ENPP6: variants seen among roughly 807,000 people sequenced by gnomAD.
ENPP6 encodes glycerophosphocholine cholinephosphodiesterase ENPP6.
ENPP6 carries 32 observed loss-of-function variants against 42.0 expected under a neutral mutation model. That is an observed-to-expected ratio of 0.76 (90% CI 0.58 to 1.02). The LOEUF is 1.02. Among genes scored for constraint, ENPP6 ranks in the 50% least tolerant of loss-of-function variants. The pLI is 0.00. For missense variants in ENPP6, 552 were observed against 566.8 expected (o/e 0.97, Z 0.27); for synonymous variants, 213 against 216.0 (o/e 0.99, Z 0.12).
chr4:184,105,526 C>T (rs1052421454), intron 6 of ENPP6, among the ~76,000 whole-genome samples: 7 of 152,102 alleles, frequency 4.6e-5, no homozygotes, highest in African/African-American at 1.7e-4. Context: ...GTTAGTTGCT[C>T]AGAGATTTGT....
At chr4:184,144,457 C>T (rs888070157) in intron 2 of ENPP6, among the ~76,000 whole-genome samples, 9 of 152,218 alleles carry the variant, frequency 5.9e-5, no homozygotes, top group African/African-American at 2.2e-4. Context: ...ACTCACTTTC[C>T]TCTGCGTGCT....
rs926953865 is a variant in ENPP6 at position 184,089,191 on chromosome 4, C to T, written c.*1986G>A. On this transcript the variant is annotated 3_prime_UTR_variant, in exon 8 of 8. Coordinates refer to ENST00000296741, the MANE Select transcript of ENPP6 (RefSeq NM_153343.4). The stretch of plus-strand genomic sequence containing the variant: ...AGAGTTGCCTTCTTTCCAATTGATC[C>T]GATGGTTTACTGGCGCTTTTAAAAC... 3 of 152,134 alleles carry T rather than the reference C, an allele frequency of 2.0e-5. No individual in the cohort carries two copies. Among genetic ancestry groups the T allele is most frequent in the East Asian group, 1.9e-4 (1 of 5,192 alleles). The allele number at this position is 152,134 out of a possible 1,614,324, so 9.4% of individuals were successfully genotyped here.
At chr4:184,191,480 T>A (rs1031181150) in intron 1 of ENPP6, among the ~76,000 whole-genome samples, 34 of 152,176 alleles carry the variant, frequency 2.2e-4, no homozygotes, top group Non-Finnish European at 1.5e-4. Context: ...GGCCATCCAT[T>A]GTCTTCTCAG....
intron 2 of ENPP6, among the ~76,000 whole-genome samples, chr4:184,134,418 C>T (rs113821012): frequency 0.022 from 3,372 of 152,216 alleles, 143 homozygotes; most frequent in African/African-American, 0.077. Flanking sequence ...AATTTTAAAA[C>T]TGATACAGAA....
chr4:184,187,663 G>T (rs766109719), intron 1 of ENPP6, among the ~76,000 whole-genome samples: 1 of 152,096 alleles, frequency 6.6e-6, no homozygotes, highest in African/African-American at 2.4e-5. Context: ...GGTCATTCTT[G>T]GTGCCTCGTC....
chr4:184,117,772 G>C lies in ENPP6; in HGVS notation c.662C>G (p.Thr221Ser), dbSNP rs200918603. Residue 221 changes from threonine to serine, a missense_variant, in exon 4 of 8, where the codon ACC becomes AGC. By Grantham distance (58) the Thr-to-Ser change is moderately conservative (BLOSUM62 1). Around this residue, in one of 2 missense-constraint regions of ENPP6, gnomAD observed 545 missense variants for 546.3 expected, o/e 1.00. Transcript: ENST00000296741. The part of the protein sequence containing the change: ...KAVDTVLKYM[T>S]KWIQERGLQD... ...GCTTCAGGTCACCTGGATCCACTTG[G>C]TCATGTACTTCAGGACAGTGTCTAC... 1 of 1,614,052 alleles carries C rather than the reference G, an allele frequency of 6.2e-7. No homozygotes were observed. The highest frequency in any genetic ancestry group is 1.3e-5 in the African/African-American group (1 of 74,938).
chr4:184,105,813 T>C (rs562434808), intron 6 of ENPP6, among the ~76,000 whole-genome samples: 1 of 152,324 alleles, frequency 6.6e-6, no homozygotes, highest in Non-Finnish European at 1.5e-5. Context: ...AAGATTGTTG[T>C]TCACAGCAAC....
chr4:184,101,863 C>A (rs1736009270), intron 6 of ENPP6, among the ~76,000 whole-genome samples: 1 of 152,210 alleles, frequency 6.6e-6, no homozygotes, highest in African/African-American at 2.4e-5. Flanking sequence ...TTAATCATTT[C>A]TAACAGGAAG....
chr4:184,145,024 C>T (rs1348859518), intron 2 of ENPP6, among the ~76,000 whole-genome samples: 1 of 152,224 alleles, frequency 6.6e-6, no homozygotes, highest in Non-Finnish European at 1.5e-5. Flanking sequence ...AGGATTGGGC[C>T]CAGCAGGGCA....
At chr4:184,134,037 T>C (rs1487086100) in intron 2 of ENPP6, among the ~76,000 whole-genome samples, 1 of 152,164 alleles carries the variant, frequency 6.6e-6, no homozygotes, top group Admixed American at 6.5e-5. Flanking sequence ...AATTTTTCTA[T>C]CTATGTTCAT....
At chr4:184,158,263 C>G (rs1361054565) in intron 1 of ENPP6, among the ~76,000 whole-genome samples, 1 of 152,196 alleles carries the variant, frequency 6.6e-6, no homozygotes, top group Admixed American at 6.5e-5. Flanking sequence ...GTAGCTTAGA[C>G]TCTCTGAAGC....
At chr4:184,187,310 G>A (rs996665407) in intron 1 of ENPP6, among the ~76,000 whole-genome samples, 2 of 152,228 alleles carry the variant, frequency 1.3e-5, no homozygotes, top group African/African-American at 4.8e-5. Context: ...TGAAACTTTG[G>A]CACCAAGGTG....
At chr4:184,176,704 T>C (rs1056072164) in intron 1 of ENPP6, among the ~76,000 whole-genome samples, 7 of 148,198 alleles carry the variant, frequency 4.7e-5, no homozygotes, top group Non-Finnish European at 1.0e-4. Context: ...TGAACTTTTA[T>C]GAAAGTGACA....
chr4:184,184,697 A>C lies in ENPP6; in HGVS notation c.242-30964T>G, dbSNP rs558807978. On this transcript the variant is annotated intron_variant, in intron 1 of 7. Coordinates refer to ENST00000296741, the MANE Select transcript of ENPP6 (RefSeq NM_153343.4). This position sits in a 1 kb window ranked among gnomAD's most constrained non-coding sequence, Gnocchi z 4.7. ...TCTTATAAGGAAGGGAGACAGTCAC[A>C]TGTCAATAGAGGCAGAGGTGGAAGT... Among the ~76,000 whole-genome samples the C allele has an allele frequency of 4.8e-4, 73 of 152,308 alleles. 1 individual carries two copies. The highest frequency in any genetic ancestry group is 1.7e-3 in the African/African-American group (71 of 41,564).
At chr4:184,112,215 C>CA (rs1179377538) in intron 6 of ENPP6, among the ~76,000 whole-genome samples, 4 of 152,072 alleles carry the variant, frequency 2.6e-5, no homozygotes, top group African/African-American at 9.7e-5. Flanking sequence ...AAGGTTTGGA[C>CA]AAAAAATGCA....
intron 1 of ENPP6, among the ~76,000 whole-genome samples, chr4:184,163,935 G>A (rs1737307194): frequency 6.6e-6 from 1 of 152,216 alleles, no homozygotes; most frequent in Non-Finnish European, 1.5e-5. Context: ...TAACCTACAG[G>A]TTTTTGCCCA....
intron 1 of ENPP6, among the ~76,000 whole-genome samples, chr4:184,203,060 A>G (rs1182564577): frequency 6.6e-6 from 1 of 151,150 alleles, no homozygotes; most frequent in African/African-American, 2.4e-5. Context: ...CTTGGCCAAC[A>G]TGGTGAAACC....
chr4:184,215,923 G>A (rs978063245), intron 1 of ENPP6, among the ~76,000 whole-genome samples: 4 of 152,180 alleles, frequency 2.6e-5, no homozygotes, highest in African/African-American at 9.7e-5. Flanking sequence ...TATTCCTTGT[G>A]CCAATATCAG....
In ENPP6 at chr4:184,206,402, C is replaced by T. The variant is rs1417339556; in HGVS notation, c.241+11177G>A. ...CCTCCCGAGTAGCTGGGACTACAGG[C>T]GGGCGCCACCAGGCCCGGCTAATTT... is the stretch of plus-strand genomic sequence containing the variant. On this transcript the variant is annotated intron_variant, in intron 1 of 7. Coordinates refer to ENST00000296741, the MANE Select transcript of ENPP6 (RefSeq NM_153343.4). Among the ~76,000 whole-genome samples the T allele has an allele frequency of 2.9e-5, 3 of 104,768 alleles. 1 individual carries two copies. Among genetic ancestry groups the T allele is most frequent in the East Asian group, 1.3e-3 (2 of 1,600 alleles). The allele number at this position is 104,768 out of a possible 152,430, so 68.7% of individuals were successfully genotyped here. A position where few individuals can be genotyped will look rare whatever the true frequency, so the allele number is the denominator to read the frequency against.
Sources: allele counts gnomAD v4.1 joint callset (sites outside exome capture counted in the v4.1 genomes callset), GRCh38; gene constraint gnomAD v4.1.1; regional missense constraint gnomAD v4.1.1; non-coding constraint Gnocchi (gnomAD v3.1); transcripts MANE v1.5; gene names NCBI Gene and HGNC (gene_info 2026-07-23, HGNC 2026-07-21).